Variants in PCDHA4 observed in about 807,000 individuals in gnomAD.
PCDHA4 encodes protocadherin alpha 4.
Under a neutral mutation model 61.4 loss-of-function variants are expected in PCDHA4, and 49 were observed. The ratio of observed to expected loss-of-function variants is 0.80; its 90% CI spans 0.63 to 1.01. PCDHA4 has a LOEUF of 1.01. PCDHA4 is among the 50% of genes least tolerant of loss of function. The pLI is 0.00. For missense variants in PCDHA4, 1,254 were observed against 1,235.8 expected (o/e 1.01, Z -0.22); for synonymous variants, 590 against 550.3 (o/e 1.07, Z -1.01).
intron 1 of PCDHA4, among the ~76,000 whole-genome samples, chr5:140,893,560 T>C (rs964266537): frequency 4.6e-5 from 7 of 152,232 alleles, no homozygotes; most frequent in Admixed American, 4.6e-4. Flanking sequence ...AGTTGTAGTG[T>C]ACTTCCTCAG....
At chr5:140,923,983 T>C (rs1180891950) in intron 1 of PCDHA4, among the ~76,000 whole-genome samples, 1 of 152,220 alleles carries the variant, frequency 6.6e-6, no homozygotes, top group African/African-American at 2.4e-5. Context: ...ACTATCCCTC[T>C]AGGTGCAGCT....
At chr5:140,854,384 C>T (rs1268523616) in intron 1 of PCDHA4, 1 of 155,336 alleles carries the variant, frequency 6.4e-6, no homozygotes, top group Non-Finnish European at 1.4e-5. Flanking sequence ...TAACTCATTA[C>T]ATTTTAATTC....
chr5:140,828,365 C>G lies in PCDHA4; in HGVS notation c.2385+18793C>G. ...TTTGTTTGTGAATTCTCGGATCGAC[C>G]GCGAGGAGCTGTGCGGGCGGAGCGC... On this transcript the variant is annotated intron_variant, in intron 1 of 3. Transcript: ENST00000530339. The G allele has an allele frequency of 1.2e-6, 2 of 1,614,230 alleles. No individual in the cohort carries two copies. The highest frequency in any genetic ancestry group is 1.7e-6 in the Non-Finnish European group (2 of 1,180,048).
intron 1 of PCDHA4, chr5:140,928,757 G>A (rs372744198): frequency 6.2e-7 from 1 of 1,613,974 alleles, no homozygotes; most frequent in African/African-American, 1.3e-5. Flanking sequence ...CGTACTGCTC[G>A]CTTAGTTCTT....
intron 3 of PCDHA4, among the ~76,000 whole-genome samples, chr5:140,994,479 G>A (rs1229761223): frequency 1.3e-5 from 2 of 152,094 alleles, no homozygotes; most frequent in African/African-American, 4.8e-5. Context: ...GAGGCGGGTG[G>A]ATTGCCTGAA....
intron 1 of PCDHA4, among the ~76,000 whole-genome samples, chr5:140,952,792 T>C (rs2094798499): frequency 6.6e-6 from 1 of 152,210 alleles, no homozygotes; most frequent in African/African-American, 2.4e-5. Flanking sequence ...GAGGTTTAAC[T>C]GGCTCGCAGT....
At chr5:140,869,479 A>G (rs781927972) in intron 1 of PCDHA4, 35 of 1,614,086 alleles carry the variant, frequency 2.2e-5, no homozygotes, top group Middle Eastern at 1.6e-4. Context: ...GGTGAAGGAC[A>G]TTAACGACAA....
At chr5:140,904,957 A>G (rs2071509370) in intron 1 of PCDHA4, among the ~76,000 whole-genome samples, 1 of 152,156 alleles carries the variant, frequency 6.6e-6, no homozygotes, top group African/African-American at 2.4e-5. Flanking sequence ...TGTCTGATGC[A>G]GAATTTGTGA....
intron 1 of PCDHA4, among the ~76,000 whole-genome samples, chr5:140,887,248 C>T (rs1232310514): frequency 6.6e-6 from 1 of 152,046 alleles, no homozygotes; most frequent in Non-Finnish European, 1.5e-5. Flanking sequence ...CGGCGCCCGC[C>T]ACCACGCCCT....
Position 140,883,339 on chromosome 5 carries a change from C to A in PCDHA4, c.2385+73767C>A, listed in dbSNP as rs142984869. 95 of 1,614,172 alleles carry A rather than the reference C, an allele frequency of 5.9e-5. No individual in the cohort carries two copies. The African/African-American group carries it at 1.1e-3, about 19-fold the overall frequency. ...AGGTTACCATCACTTCTTTGTCACTCCCCATCAGAGAAGACACTCAGCCTA... is the reference window on the plus strand; with the variant it reads ...AGGTTACCATCACTTCTTTGTCACTACCCATCAGAGAAGACACTCAGCCTA... On this transcript the variant is annotated intron_variant, in intron 1 of 3. Coordinates refer to ENST00000530339, the MANE Select transcript of PCDHA4 (RefSeq NM_018907.4).
intron 1 of PCDHA4, chr5:140,870,038 A>G (rs1268813918): frequency 8.1e-6 from 13 of 1,613,620 alleles, no homozygotes; most frequent in Non-Finnish European, 1.1e-5. Flanking sequence ...TATGAAGAAA[A>G]CAAGTTTTAT....
chr5:140,852,930 G>C (rs1581296305), intron 1 of PCDHA4: 3 of 621,568 alleles, frequency 4.8e-6, no homozygotes, highest in Admixed American at 1.3e-4. Context: ...CCAGGCTGGA[G>C]TGCAGTGGTG....
intron 1 of PCDHA4, chr5:140,810,786 C>T (rs1372033546): frequency 7.2e-5 from 11 of 151,812 alleles, no homozygotes; most frequent in African/African-American, 2.7e-4. Flanking sequence ...TAGTTTTCAA[C>T]CTCATGGCTA....
chr5:140,871,332 G>T (rs1182944600), intron 1 of PCDHA4: 6 of 1,614,146 alleles, frequency 3.7e-6, no homozygotes, highest in South Asian at 1.1e-5. Flanking sequence ...GCTCCCGCGC[G>T]GTGGGGAGCT....
chr5:140,985,739 C>CTTT (rs11372071), intron 3 of PCDHA4, among the ~76,000 whole-genome samples: 39 of 117,922 alleles, frequency 3.3e-4, no homozygotes, highest in Non-Finnish European at 4.1e-4. Context: ...TGATGAATTC[C>CTTT]TTTTTTTTTT....
At chr5:140,877,655 C>T (rs868936879) in intron 1 of PCDHA4, 4 of 1,613,562 alleles carry the variant, frequency 2.5e-6, no homozygotes, top group South Asian at 2.2e-5. Context: ...GCGCCGCCCA[C>T]CGTGAGCCGG....
At chr5:140,967,702 C>T (rs1563368615) in intron 1 of PCDHA4, 3 of 1,614,162 alleles carry the variant, frequency 1.9e-6, no homozygotes, top group Middle Eastern at 3.3e-4. Flanking sequence ...GCATAGATGC[C>T]AGTACCGGGG....
intron 1 of PCDHA4, chr5:140,828,540 C>G: frequency 6.2e-7 from 1 of 1,614,252 alleles, no homozygotes; most frequent in Non-Finnish European, 8.5e-7. Flanking sequence ...CTGCCAGATT[C>G]TGTGTTTCCA....
intron 1 of PCDHA4, among the ~76,000 whole-genome samples, chr5:140,820,314 T>C (rs1766731198): frequency 1.3e-5 from 2 of 152,016 alleles, no homozygotes; most frequent in African/African-American, 4.8e-5. Flanking sequence ...CAATATCTTG[T>C]TTCTTTACAA....
Sources: allele counts gnomAD v4.1 joint callset (sites outside exome capture counted in the v4.1 genomes callset), GRCh38; gene constraint gnomAD v4.1.1; transcripts MANE v1.5; gene names NCBI Gene and HGNC (gene_info 2026-07-23, HGNC 2026-07-21).